Variants in TAF4B observed in about 807,000 individuals in gnomAD.
The protein encoded by TAF4B is transcription initiation factor TFIID subunit 4B.
A neutral mutation model predicts 86.4 loss-of-function variants in TAF4B; 38 were observed. That is an observed-to-expected ratio of 0.44 (90% CI 0.34 to 0.58). The LOEUF (loss-of-function observed/expected upper bound fraction) is 0.58. Among genes scored for constraint, TAF4B ranks in the 20% least tolerant of loss-of-function variants. The pLI is 0.02. For missense variants in TAF4B, 988 were observed against 1,027.6 expected (o/e 0.96, Z 0.53); for synonymous variants, 388 against 391.2 (o/e 0.99, Z 0.10).
chr18:26,284,556 A>C (rs960869209), intron 6 of TAF4B, among the ~76,000 whole-genome samples: 1 of 152,208 alleles, frequency 6.6e-6, no homozygotes, highest in Non-Finnish European at 1.5e-5. Flanking sequence ...CTCTTTAAGT[A>C]GGATACAAAG....
intron 9 of TAF4B, among the ~76,000 whole-genome samples, chr18:26,310,533 G>T (rs949969681): frequency 1.3e-5 from 2 of 152,154 alleles, no homozygotes; most frequent in Non-Finnish European, 2.9e-5. Context: ...GTGGTAGAGA[G>T]GCTCTGCTTG....
chr18:26,384,358 A>G (rs747351932), intron 14 of TAF4B, among the ~76,000 whole-genome samples: 36 of 152,214 alleles, frequency 2.4e-4, no homozygotes, highest in Non-Finnish European at 5.0e-4. Context: ...TAGTTTCTAG[A>G]GACAATATTG....
intron 9 of TAF4B, among the ~76,000 whole-genome samples, chr18:26,310,643 T>C (rs1399125078): frequency 1.3e-5 from 2 of 152,210 alleles, no homozygotes; most frequent in African/African-American, 4.8e-5. Context: ...TTTGTTTATA[T>C]TTTAAAAACT....
chr18:26,269,224 AGTG>A (rs1568117115), intron 3 of TAF4B, among the ~76,000 whole-genome samples: 2 of 151,980 alleles, frequency 1.3e-5, no homozygotes, highest in African/African-American at 4.8e-5. Context: ...AAAGTCCTCC[AGTG>A]AGTGTTTGTT....
intron 1 of TAF4B, among the ~76,000 whole-genome samples, chr18:26,249,584 G>A (rs952476336): frequency 2.0e-5 from 3 of 151,982 alleles, no homozygotes; most frequent in African/African-American, 7.2e-5. Flanking sequence ...AAAGCTTTTT[G>A]TCTCTTTGGA....
intron 14 of TAF4B, among the ~76,000 whole-genome samples, chr18:26,378,986 T>TTATCCATATAAAGCTACATTC (rs1187553513): frequency 6.6e-6 from 1 of 152,160 alleles, no homozygotes; most frequent in Non-Finnish European, 1.5e-5. Context: ...TAAAGGTGCT[T>TTATCCATATAAAGCTACATTC]TATCCATATA....
chr18:26,281,661 C>G (rs1166156785), intron 5 of TAF4B, among the ~76,000 whole-genome samples: 2 of 152,122 alleles, frequency 1.3e-5, no homozygotes, highest in Admixed American at 6.6e-5. Context: ...TTAAGACACG[C>G]GTGCCTTCAA....
intron 14 of TAF4B, among the ~76,000 whole-genome samples, chr18:26,373,535 TA>T (rs1315410970): frequency 1.3e-5 from 2 of 152,276 alleles, no homozygotes; most frequent in Admixed American, 1.3e-4. Context: ...AAAGGTTATC[TA>T]AAAAAATGTT....
At chr18:26,230,993 C>G (rs2055656695) in intron 1 of TAF4B, among the ~76,000 whole-genome samples, 1 of 148,328 alleles carries the variant, frequency 6.7e-6, no homozygotes, top group South Asian at 2.1e-4. Context: ...AATGTAATTT[C>G]CTCTTCAAAG....
chr18:26,335,507 A>G (rs188681943), intron 13 of TAF4B, among the ~76,000 whole-genome samples: 1 of 150,506 alleles, frequency 6.6e-6, no homozygotes, highest in East Asian at 1.9e-4. Flanking sequence ...GTGAGATTTT[A>G]AAAAAAAAGA....
At chr18:26,300,515 C>G (rs544608048) in intron 9 of TAF4B, among the ~76,000 whole-genome samples, 4 of 111,236 alleles carry the variant, frequency 3.6e-5, no homozygotes, top group Non-Finnish European at 7.4e-5. Context: ...AGTTTCCTTT[C>G]TTTAATTTAT....
At chr18:26,333,540 T>C (rs2057067961) in intron 12 of TAF4B, among the ~76,000 whole-genome samples, 1 of 152,122 alleles carries the variant, frequency 6.6e-6, no homozygotes, top group African/African-American at 2.4e-5. Flanking sequence ...TAGGCACGTG[T>C]CACTATGCCT....
intron 12 of TAF4B, among the ~76,000 whole-genome samples, chr18:26,331,367 T>G (rs2057049105): frequency 6.6e-6 from 1 of 152,196 alleles, no homozygotes; most frequent in South Asian, 2.1e-4. Context: ...AAATGTTGGA[T>G]TTAGTAGTTT....
At chr18:26,346,897 ATATGTG>A (rs1166215011) in intron 13 of TAF4B, among the ~76,000 whole-genome samples, 1 of 11,904 alleles carries the variant, frequency 8.4e-5, no homozygotes, top group African/African-American at 2.2e-4. Flanking sequence ...ATATATATAT[ATATGTG>A]TGTGTATATA....
intron 2 of TAF4B, 55 bp from the exon 3 acceptor site, chr18:26,267,461 C>T (rs894114289): frequency 8.2e-7 from 1 of 1,224,850 alleles, no homozygotes. Flanking sequence ...CAGTACTGAT[C>T]TTAAATTACT....
chr18:26,331,041 G>C (rs981472526), intron 12 of TAF4B, among the ~76,000 whole-genome samples: 1 of 151,964 alleles, frequency 6.6e-6, no homozygotes, highest in South Asian at 2.1e-4. Context: ...CCAGCTCCCC[G>C]TAAGGATATG....
chr18:26,328,048 G>T (rs1212486679), intron 12 of TAF4B, among the ~76,000 whole-genome samples: 1 of 152,236 alleles, frequency 6.6e-6, no homozygotes, highest in African/African-American at 2.4e-5. Flanking sequence ...GAGCACTGGA[G>T]TCTTAATTTT....
Position 26,335,203 on chromosome 18 carries a change from A to G in TAF4B, c.2288A>G (p.Gln763Arg). 1 of 1,613,712 alleles carries G rather than the reference A, an allele frequency of 6.2e-7. No homozygotes were observed. The highest frequency in any genetic ancestry group is 8.5e-7 in the Non-Finnish European group (1 of 1,179,714). Residue 763 changes from glutamine (Q) to arginine (R), a missense_variant, in exon 13 of 15, where the codon CAG becomes CGG. Gln to Arg is a conservative substitution (Grantham distance 43, BLOSUM62 1). This residue lies in a region of TAF4B where 216 missense variants were observed against 238.4 expected (regional missense o/e 0.91). Coordinates refer to ENST00000269142, the MANE Select transcript of TAF4B (RefSeq NM_005640.3). ...CGTTCTAATAAAGAAGATCCAGAAC[A>G]GCTGAGATTAAAGCAGAAAGCCAAA... Reference protein sequence around the residue: ...KSRSNKEDPEQLRLKQKAKEL... With the variant: ...KSRSNKEDPERLRLKQKAKEL...
rs11401538 is a variant in TAF4B at position 26,228,624 on chromosome 18, CA to C, written c.343+1359del. On this transcript the variant is annotated intron_variant, in intron 1 of 14. Transcript: ENST00000269142. ...TCACTGAAGTTTGTTTATAAATAGTCAAAAAAAAAAAGTATTAAGAAAGAAC... is the reference window on the plus strand; with the variant it reads ...TCACTGAAGTTTGTTTATAAATAGTCAAAAAAAAAAGTATTAAGAAAGAAC... Among the ~76,000 whole-genome samples the C allele has an allele frequency of 5.0e-3, 725 of 146,134 alleles. 2 individuals carry two copies. The highest frequency in any genetic ancestry group is 0.015 in the African/African-American group (584 of 40,138).
Sources: gnomAD v4.1 joint callset for allele counts (sites outside exome capture counted in the v4.1 genomes callset) on GRCh38, gnomAD v4.1.1 for gene constraint, gnomAD v4.1.1 regional missense constraint, MANE v1.5 for transcripts, NCBI Gene and HGNC (gene_info 2026-07-23, HGNC 2026-07-21) for gene names.